Variants in TJP3 observed in about 807,000 individuals in gnomAD.
TJP3 encodes tight junction protein 3, also known as tight junction protein ZO-3.
A neutral mutation model predicts 104.2 loss-of-function variants in TJP3; 85 were observed. The observed-to-expected ratio is 0.82, with a 90% CI of 0.68 to 0.98. The LOEUF is 0.98. Among genes scored for constraint, TJP3 ranks in the 50% least tolerant of loss-of-function variants. TJP3 has a pLI of 0.00. For synonymous variants in TJP3, 550 were observed against 550.6 expected (o/e 1.00, Z 0.02); for missense variants, 1,367 against 1,322.8 (o/e 1.03, Z -0.52).
intron 1 of TJP3, among the ~76,000 whole-genome samples, chr19:3,709,241 G>A (rs1296052070): frequency 1.3e-5 from 2 of 152,006 alleles, no homozygotes; most frequent in African/African-American, 4.8e-5. Context: ...GATTACAAGC[G>A]CCCACCACTA....
intron 1 of TJP3, 118 bp from the exon 2 acceptor site, chr19:3,728,306 C>T: frequency 3.3e-6 from 5 of 1,515,428 alleles, no homozygotes; most frequent in Non-Finnish European, 4.5e-6. Context: ...AGTAACTTGT[C>T]ACAGGCTCCA....
chr19:3,728,536 C>A, intron 2 of TJP3, 56 bp downstream of exon 2: 1 of 1,598,196 alleles, frequency 6.3e-7, no homozygotes. Context: ...TTAGGCCCAG[C>A]TCAATAGAGG....
chr19:3,717,524 C>G (rs967544406), intron 1 of TJP3, among the ~76,000 whole-genome samples: 2 of 152,010 alleles, frequency 1.3e-5, no homozygotes, highest in Admixed American at 6.6e-5. Flanking sequence ...CAACCGCCGC[C>G]TCCCAGGGTC....
At position 3,736,179 on chromosome 19, in the gene TJP3, C is replaced by CG; in HGVS notation, c.1143dup (p.Arg382AlafsTer20). 6.3e-7 allele frequency: 1 copy of CG among 1,595,108 alleles called. No individual in the cohort carries two copies. The highest frequency in any genetic ancestry group is 8.5e-7 in the Non-Finnish European group (1 of 1,170,822). On this transcript the variant is annotated frameshift_variant, in exon 11 of 21. Transcript: ENST00000541714. LOFTEE classifies it high-confidence loss of function. Reference sequence around the variant, plus strand: ...TCCCCTTGCAGGTACAGCCCCGACACGCGTGTGGTCCGCTTCCTCAAGGGC... The same window carrying CG: ...TCCCCTTGCAGGTACAGCCCCGACACGGCGTGTGGTCCGCTTCCTCAAGGGC...
At chr19:3,748,176 C>T (rs901750166) in intron 19 of TJP3, 95 bp downstream of exon 19, 10 of 1,414,772 alleles carry the variant, frequency 7.1e-6, no homozygotes, top group South Asian at 1.5e-5. Flanking sequence ...TCTACCAGGA[C>T]GTCAACAAAC....
chr19:3,724,106 C>T (rs994665675), intron 1 of TJP3, among the ~76,000 whole-genome samples: 5 of 152,076 alleles, frequency 3.3e-5, no homozygotes, highest in East Asian at 1.9e-4. Context: ...TCCATGGAGA[C>T]GAACCCGCAC....
At chr19:3,737,645 T>C (rs940429610) in intron 11 of TJP3, among the ~76,000 whole-genome samples, 1 of 152,182 alleles carries the variant, frequency 6.6e-6, no homozygotes, top group African/African-American at 2.4e-5. Flanking sequence ...CTCATGACCT[T>C]GCTTGTGTCT....
intron 14 of TJP3, among the ~76,000 whole-genome samples, chr19:3,742,492 G>T (rs2036835422): frequency 6.6e-6 from 1 of 150,854 alleles, no homozygotes. Flanking sequence ...CAGAGGACAG[G>T]GGGTTAAAAA....
chr19:3,724,068 C>A (rs2036571737), intron 1 of TJP3, among the ~76,000 whole-genome samples: 1 of 152,064 alleles, frequency 6.6e-6, no homozygotes, highest in Non-Finnish European at 1.5e-5. Flanking sequence ...CTGTGGAGCT[C>A]TGGAGGGTTT....
rs78942401 is a variant in TJP3 at position 3,739,207 on chromosome 19, T to C, written c.1631+73T>C. The C allele has an allele frequency of 2.5e-5, 35 of 1,396,574 alleles. No homozygotes were observed. In the East Asian group the frequency reaches 7.9e-4, roughly 32 times the overall value. The allele number at this position is 1,396,574 out of a possible 1,614,324, so 86.5% of individuals were successfully genotyped here. ...GTCTCCCCGTTAGAAATGGGCTCGA[T>C]TGGGCTGGACGCGGTGGCTCAGGCC... On this transcript the variant is annotated intron_variant, in intron 13 of 20. Transcript: ENST00000541714.
At chr19:3,732,806 G>C (rs914844771) in intron 6 of TJP3, among the ~76,000 whole-genome samples, 3 of 151,750 alleles carry the variant, frequency 2.0e-5, no homozygotes, top group African/African-American at 7.3e-5. Flanking sequence ...ACCACACCTT[G>C]CTAATTTTTT....
intron 6 of TJP3, 72 bp downstream of exon 6, chr19:3,732,110 T>G: frequency 7.7e-7 from 1 of 1,303,454 alleles, no homozygotes; most frequent in South Asian, 1.3e-5. Context: ...CACGGAGTCA[T>G]ACAGCAAGGA....
At chr19:3,719,319 G>C (rs964280144) in intron 1 of TJP3, among the ~76,000 whole-genome samples, 5 of 152,148 alleles carry the variant, frequency 3.3e-5, no homozygotes, top group Non-Finnish European at 7.3e-5. Flanking sequence ...CTTAGTTTTG[G>C]TTAATGGTGT....
chr19:3,723,994 G>C (rs575955018), intron 1 of TJP3, among the ~76,000 whole-genome samples: 23 of 151,914 alleles, frequency 1.5e-4, no homozygotes, highest in African/African-American at 5.5e-4. Flanking sequence ...GGACAGATGG[G>C]GTAAAGGTTT....
chr19:3,716,587 C>T (rs2036478819), intron 1 of TJP3, among the ~76,000 whole-genome samples: 1 of 146,924 alleles, frequency 6.8e-6, no homozygotes, highest in South Asian at 2.3e-4. Context: ...GTAAACATGG[C>T]CCGGGAGCCC....
Position 3,746,074 on chromosome 19 carries a change from C to G in TJP3, c.2003C>G (p.Ala668Gly), listed in dbSNP as rs771305658. 8 of 1,608,472 alleles carry G rather than the reference C, an allele frequency of 5.0e-6. No homozygotes were observed. The East Asian group carries it at 1.8e-4, about 36-fold the overall frequency. ...AAACTAGACACCGTGCGGGTGATTG[C>G]AGAAAAAGTAAGCCGGGTCCTGCTA... The part of the protein sequence containing the change: ...IIKLDTVRVI[A>G]EKDKHALLDV... The change falls in exon 16 of 21, where the codon GCA (alanine) becomes GGA (glycine). Residue 668 changes from alanine to glycine, a missense_variant. Physicochemically the swap from Ala to Gly is moderately conservative, Grantham distance 60. Transcript: ENST00000541714. This position sits in a 1 kb window ranked among gnomAD's most constrained non-coding sequence, Gnocchi z 4.1.
chr19:3,749,338 ATTTT>A (rs900684341), intron 19 of TJP3, among the ~76,000 whole-genome samples: 5 of 151,404 alleles, frequency 3.3e-5, no homozygotes, highest in Non-Finnish European at 5.9e-5. Flanking sequence ...TAATTTATAT[ATTTT>A]ATTTTTTAAA....
rs541582766 is a variant in TJP3, at chr19:3,736,179, C to A, written c.1142C>A (p.Thr381Lys). 6.3e-7 allele frequency: 1 copy of A among 1,595,108 alleles called. No individual in the cohort carries two copies. Residue 381 changes from threonine (T) to lysine (K), a missense_variant, in exon 11 of 21, where the codon ACG (threonine) becomes AAG (lysine). Thr to Lys is a moderately conservative substitution (Grantham distance 78). Transcript: ENST00000541714. ...TCCCCTTGCAGGTACAGCCCCGACACGCGTGTGGTCCGCTTCCTCAAGGGC... is the reference window on the plus strand; with the variant it reads ...TCCCCTTGCAGGTACAGCCCCGACAAGCGTGTGGTCCGCTTCCTCAAGGGC... ...SMEDRGYSPD[T>K]RVVRFLKGKS...
chr19:3,717,339 G>A (rs2036488587), intron 1 of TJP3, among the ~76,000 whole-genome samples: 3 of 125,710 alleles, frequency 2.4e-5, no homozygotes, highest in African/African-American at 5.1e-5. Flanking sequence ...CTGACCTCAA[G>A]TGATTCGGCC....
Sources: gnomAD v4.1 joint callset for allele counts (sites outside exome capture counted in the v4.1 genomes callset) on GRCh38, gnomAD v4.1.1 for gene constraint, Gnocchi (gnomAD v3.1) non-coding constraint, MANE v1.5 for transcripts, NCBI Gene and HGNC (gene_info 2026-07-23, HGNC 2026-07-21) for gene names.